The following ARID2 variants were observed in gnomAD, a reference collection of about 807,000 sequenced individuals.
ARID2 encodes the protein AT-rich interactive domain-containing protein 2.
In ARID2, 32 loss-of-function variants were observed where a neutral mutation model predicts 184.6. The observed-to-expected ratio is 0.17, with a 90% confidence interval of 0.13 to 0.23. ARID2 has a LOEUF of 0.23. Among genes scored for constraint, ARID2 ranks in the 10% least tolerant of loss-of-function variants. ARID2 has a pLI of 1.00. For synonymous variants in ARID2, 836 were observed against 772.6 expected, an observed-to-expected ratio of 1.08 and a Z score of -1.36; for missense variants, 1,696 against 2,197.6, an observed-to-expected ratio of 0.77 and a Z score of 4.56.
chr12:45,781,547 C>T (rs903836621), intron 3 of ARID2, among the ~76,000 whole-genome samples: 4 of 150,866 alleles, frequency 2.7e-5, no homozygotes, highest in Non-Finnish European at 5.9e-5. Context: ...GATATATTTT[C>T]GCCAAGTTGA....
Position 45,821,673 on chromosome 12 carries a change from C to T in ARID2, c.705+186C>T, listed in dbSNP as rs117080433. 2.6e-4 allele frequency among the ~76,000 whole-genome samples: 40 copies of T among 152,204 alleles called. No homozygotes were observed. In the East Asian group the frequency reaches 4.6e-3, roughly 18 times the overall value. The stretch of plus-strand genomic sequence containing the variant: ...AGTGAAAAATCTTTTAGAATACCCA[C>T]GAACAGACATAAAATTTTCATTGAT... On this transcript the variant is annotated intron_variant, in intron 6 of 20. Coordinates refer to ENST00000334344, the MANE Select transcript of ARID2 (RefSeq NM_152641.4).
chr12:45,787,369 C>T (rs1942214698), intron 3 of ARID2, among the ~76,000 whole-genome samples: 1 of 151,752 alleles, frequency 6.6e-6, no homozygotes, highest in Non-Finnish European at 1.5e-5. Context: ...AAGCATGCAC[C>T]AATATGTCTG....
At chr12:45,813,477 A>T (rs1592092843) in intron 4 of ARID2, among the ~76,000 whole-genome samples, 2 of 147,644 alleles carry the variant, frequency 1.4e-5, no homozygotes, top group South Asian at 4.2e-4. Context: ...AAAAAAAACC[A>T]CCAAAATGAA....
At position 45,836,672 on chromosome 12, in the gene ARID2, A is replaced by C. The variant is rs1943226091; in HGVS notation, c.772+17A>C. Reference sequence around the variant, plus strand: ...AGTCTCATGGTAAGTTAGTGAAAGCAAAATTTTTCAAAACCTTTGAAGTAT... The same window carrying C: ...AGTCTCATGGTAAGTTAGTGAAAGCCAAATTTTTCAAAACCTTTGAAGTAT... On this transcript the variant is annotated intron_variant, in intron 7 of 20. Transcript: ENST00000334344. The C allele has an allele frequency of 5.6e-6, 9 of 1,603,012 alleles. No individual in the cohort carries two copies. The highest frequency in any genetic ancestry group is 7.7e-6 in the Non-Finnish European group (9 of 1,176,258).
intron 6 of ARID2, among the ~76,000 whole-genome samples, chr12:45,825,036 A>C (rs1942968651): frequency 6.6e-6 from 1 of 151,958 alleles, no homozygotes; most frequent in South Asian, 2.1e-4. Flanking sequence ...GTGGGAGCCA[A>C]ACTTGTTGAT....
intron 20 of ARID2, among the ~76,000 whole-genome samples, chr12:45,895,715 A>G (rs184392683): frequency 6.6e-6 from 1 of 152,198 alleles, no homozygotes; most frequent in Admixed American, 6.5e-5. Context: ...TTGTATTTTT[A>G]GTAGCGACAG....
At chr12:45,793,021 G>A (rs952669396) in intron 3 of ARID2, among the ~76,000 whole-genome samples, 3 of 151,918 alleles carry the variant, frequency 2.0e-5, no homozygotes, top group African/African-American at 4.8e-5. Flanking sequence ...ATTTTGGGCC[G>A]GGTGCAGTGG....
intron 16 of ARID2, among the ~76,000 whole-genome samples, chr12:45,882,762 A>G (rs1283278629): frequency 1.3e-5 from 2 of 152,256 alleles, no homozygotes; most frequent in Admixed American, 6.5e-5. Flanking sequence ...TTAGTTTTGT[A>G]GCATCATTTG....
In ARID2 at chr12:45,779,916, CTT is replaced by C. The variant is rs1207599908; in HGVS notation, c.285-31501_285-31500del. Among the ~76,000 whole-genome samples the C allele has an allele frequency of 2.3e-4, 35 of 152,128 alleles. 1 individual carries two copies. The highest frequency in any genetic ancestry group is 2.2e-3 in the Admixed American group (33 of 15,276). ...GCTTTGAAATTAGACTTTTTAGTAA[CTT>C]ATTAAGATTATGTCATTTGCTTACA... On this transcript the variant is annotated intron_variant, in intron 3 of 20. Coordinates refer to ENST00000334344, the MANE Select transcript of ARID2 (RefSeq NM_152641.4).
At chr12:45,751,995 T>G (rs1054055252) in intron 3 of ARID2, among the ~76,000 whole-genome samples, 4 of 152,214 alleles carry the variant, frequency 2.6e-5, no homozygotes, top group Non-Finnish European at 5.9e-5. Flanking sequence ...GATATATTTC[T>G]AAAGTTTCAA....
At chr12:45,779,887 C>T (rs1272863583) in intron 3 of ARID2, among the ~76,000 whole-genome samples, 1 of 152,040 alleles carries the variant, frequency 6.6e-6, no homozygotes, top group Non-Finnish European at 1.5e-5. Context: ...AATGTAAGAG[C>T]GCTGCTTTGA....
At chr12:45,794,487 T>C (rs1456867975) in intron 3 of ARID2, among the ~76,000 whole-genome samples, 1 of 152,178 alleles carries the variant, frequency 6.6e-6, no homozygotes, top group African/African-American at 2.4e-5. Flanking sequence ...CACAGGTAAG[T>C]GTATAATTTG....
chr12:45,884,824 A>G (rs1334442423), intron 16 of ARID2, among the ~76,000 whole-genome samples: 1 of 152,176 alleles, frequency 6.6e-6, no homozygotes, highest in African/African-American at 2.4e-5. Flanking sequence ...AAGAAGGCCA[A>G]ATACTTGCTT....
chr12:45,788,283 TAC>T (rs1241262558), intron 3 of ARID2, among the ~76,000 whole-genome samples: 1 of 152,310 alleles, frequency 6.6e-6, no homozygotes, highest in African/African-American at 2.4e-5. Flanking sequence ...CCTTGCTCAG[TAC>T]ACAGTCTTCT....
At chr12:45,894,905 T>C (rs1391527402) in intron 20 of ARID2, among the ~76,000 whole-genome samples, 1 of 152,232 alleles carries the variant, frequency 6.6e-6, no homozygotes, top group Non-Finnish European at 1.5e-5. Context: ...CCTAATCACA[T>C]TGGGCTCTCT....
At chr12:45,856,663 A>AT (rs1314646721) in intron 15 of ARID2, among the ~76,000 whole-genome samples, 2 of 151,908 alleles carry the variant, frequency 1.3e-5, no homozygotes, top group Non-Finnish European at 2.9e-5. Flanking sequence ...ATTGTAATTC[A>AT]TTTTTTTTCT....
At position 45,850,178 on chromosome 12, in the gene ARID2, A is replaced by G. The variant is rs1943519376; in HGVS notation, c.2055A>G (p.Pro685=). The change falls in exon 15 of 21, where the codon CCA becomes CCG. Residue 685 remains proline (P), a synonymous_variant. Transcript: ENST00000334344. ...HTVAQTVSRI[P]QNPSPHTHQQ... ...TGGCACAAACTGTTTCAAGAATTCC[A>G]CAAAATCCTTCACCTCATACCCACC... is the stretch of plus-strand genomic sequence containing the variant. 5 of 1,614,138 alleles carry G rather than the reference A, an allele frequency of 3.1e-6. No homozygotes were observed. Among genetic ancestry groups the G allele is most frequent in the Non-Finnish European group, 4.2e-6 (5 of 1,179,986 alleles).
intron 3 of ARID2, among the ~76,000 whole-genome samples, chr12:45,800,093 A>G (rs1942468488): frequency 6.6e-6 from 1 of 152,146 alleles, no homozygotes; most frequent in South Asian, 2.1e-4. Context: ...CATGCAGTTC[A>G]CCCACCTCAG....
At chr12:45,837,457 A>AACCT in intron 9 of ARID2, 40 bp downstream of exon 9, 1 of 1,610,306 alleles carries the variant, frequency 6.2e-7, no homozygotes, top group Non-Finnish European at 8.5e-7. Context: ...AAAGTAAACA[A>AACCT]ACTATCATTT....
Sources: gnomAD v4.1 joint callset for allele counts (sites outside exome capture counted in the v4.1 genomes callset) on GRCh38, gnomAD v4.1.1 for gene constraint, MANE v1.5 for transcripts, NCBI Gene and HGNC (gene_info 2026-07-23, HGNC 2026-07-21) for gene names.